Variants in SEMA3F observed in about 807,000 individuals in gnomAD.
SEMA3F encodes semaphorin-3F.
Under a neutral mutation model 98.5 loss-of-function variants are expected in SEMA3F, and 30 were observed. The observed-to-expected ratio is 0.30, with a 90% CI of 0.23 to 0.41. SEMA3F has a LOEUF of 0.41. Among genes scored for constraint, SEMA3F ranks in the 10% least tolerant of loss-of-function variants. The probability of loss-of-function intolerance (pLI) is 1.00; values close to 1 mark genes in which losing one functional copy is unlikely to be tolerated. For missense variants in SEMA3F, 866 were observed against 1,119.3 expected, an observed-to-expected ratio of 0.77 and a Z score of 3.23; for synonymous variants, 380 against 444.8, an observed-to-expected ratio of 0.85 and a Z score of 1.83.
chr3:50,187,605 C>A, intron 18 of SEMA3F, 100 bp from the exon 19 acceptor site: 1 of 941,672 alleles, frequency 1.1e-6, no homozygotes, highest in Non-Finnish European at 1.6e-6. Context: ...CACATGGGTG[C>A]CTCTACACGG....
chr3:50,175,352 T>A (rs1698771233), intron 6 of SEMA3F, among the ~76,000 whole-genome samples, 164 bp downstream of exon 6: 1 of 152,206 alleles, frequency 6.6e-6, no homozygotes, highest in Admixed American at 6.5e-5. Flanking sequence ...TCAGAAGGCA[T>A]GCCCAGCTGG....
intron 16 of SEMA3F, 102 bp downstream of exon 16, chr3:50,186,148 A>ACCCATAAGTCTC: frequency 6.8e-7 from 1 of 1,462,078 alleles, no homozygotes; most frequent in Non-Finnish European, 9.4e-7. Flanking sequence ...ATGTGATATT[A>ACCCATAAGTCTC]CCCTAGGGGA....
chr3:50,187,721 G>A lies in SEMA3F; in HGVS notation c.1964G>A (p.Arg655His), dbSNP rs759045780. ...DRRREIRAED[R>H]FLRTEQGLLL... is the part of the protein sequence containing the mutation. ...CCCCTGCAGATTCGTGCAGAGGACCGCTTCCTGCGCACAGAGCAGGGCTTG... is the reference window on the plus strand; with the variant it reads ...CCCCTGCAGATTCGTGCAGAGGACCACTTCCTGCGCACAGAGCAGGGCTTG... Residue 655 changes from arginine to histidine, a missense_variant, in exon 19 of 19, where the codon CGC becomes CAC. Arg to His is a conservative substitution (Grantham distance 29, BLOSUM62 0). This residue lies in a region of SEMA3F where 245 missense variants were observed against 260.5 expected (regional missense o/e 0.94). Transcript: ENST00000002829. 1.2e-5 allele frequency: 19 copies of A among 1,594,392 alleles called. No individual in the cohort carries two copies. The highest frequency in any genetic ancestry group is 1.1e-5 in the South Asian group (1 of 89,732).
In SEMA3F at chr3:50,156,277, G is replaced by A. The variant is rs1273083708; in HGVS notation, c.-49+713G>A. Among the ~76,000 whole-genome samples, 2 of 152,218 alleles carry A rather than the reference G, an allele frequency of 1.3e-5. No homozygotes were observed. The highest frequency in any genetic ancestry group is 2.9e-5 in the Non-Finnish European group (2 of 68,026). ...GGCAGGGGACAGCGGGGGCTTGGCGGGGTTGCCCCCAGCAGATGGGACAGG... is the reference window on the plus strand; with the variant it reads ...GGCAGGGGACAGCGGGGGCTTGGCGAGGTTGCCCCCAGCAGATGGGACAGG... On this transcript the variant is annotated intron_variant, in intron 1 of 18. Coordinates refer to ENST00000002829, the MANE Select transcript of SEMA3F (RefSeq NM_004186.5). This position sits in a 1 kb window ranked among gnomAD's most constrained non-coding sequence, Gnocchi z 4.5.
Position 50,186,693 on chromosome 3 carries a change from C to G in SEMA3F, c.1894C>G (p.Gln632Glu). The change falls in exon 18 of 19, where the codon CAA becomes GAA. Residue 632 changes from glutamine (Q) to glutamate (E), a missense_variant. By Grantham distance (29) the Gln-to-Glu change is conservative. This residue lies in a region of SEMA3F where 245 missense variants were observed against 260.5 expected (regional missense o/e 0.94). Transcript: ENST00000002829. Reference sequence around the variant, plus strand: ...CCTTGAGTGCCAGCCCCGCTCGCCCCAAGCCACTGTTAAGTGGCTGTTCCA... The same window carrying G: ...CCTTGAGTGCCAGCCCCGCTCGCCCGAAGCCACTGTTAAGTGGCTGTTCCA... The part of the protein sequence containing the change: ...AFLECQPRSP[Q>E]ATVKWLFQRD... The G allele has an allele frequency of 6.2e-7, 1 of 1,609,076 alleles. No individual in the cohort carries two copies. Among genetic ancestry groups the G allele is most frequent in the Non-Finnish European group, 8.5e-7 (1 of 1,176,990 alleles).
At chr3:50,185,361 C>T (rs1169413887) in intron 13 of SEMA3F, 82 bp from the exon 14 acceptor site, 44 of 1,344,902 alleles carry the variant, frequency 3.3e-5, no homozygotes, top group Non-Finnish European at 4.1e-5. Context: ...GGGGTTTGGG[C>T]CCTGGTGGGG....
At chr3:50,160,656 C>A (rs1698169197) in intron 2 of SEMA3F, among the ~76,000 whole-genome samples, 1 of 152,208 alleles carries the variant, frequency 6.6e-6, no homozygotes, top group Non-Finnish European at 1.5e-5. Context: ...CTTCATCCAG[C>A]CGCCTGCCCT....
chr3:50,185,170 C>G (rs1283090183), intron 13 of SEMA3F, among the ~76,000 whole-genome samples: 4 of 152,200 alleles, frequency 2.6e-5, no homozygotes, highest in African/African-American at 7.2e-5. Context: ...CCCTACAGTT[C>G]CAGCAGCCCA....
At chr3:50,157,301 G>A (rs891501864) in intron 1 of SEMA3F, among the ~76,000 whole-genome samples, 3 of 151,854 alleles carry the variant, frequency 2.0e-5, no homozygotes, top group Non-Finnish European at 4.4e-5. Flanking sequence ...CCGGCTCCTC[G>A]TTTCTTTGTT....
chr3:50,160,315 C>T (rs897900642), intron 2 of SEMA3F, among the ~76,000 whole-genome samples: 89 of 152,182 alleles, frequency 5.8e-4, no homozygotes, highest in African/African-American at 2.0e-3. Context: ...TCAGGCAGAG[C>T]ACGTGCTGCT....
At chr3:50,173,386 C>G (rs531008167) in intron 2 of SEMA3F, 1 of 190,670 alleles carries the variant, frequency 5.2e-6, no homozygotes. Flanking sequence ...GCAGCAGAAT[C>G]GCTTGAACCC....
chr3:50,170,500 C>G (rs1332370010), intron 2 of SEMA3F, among the ~76,000 whole-genome samples: 1 of 152,124 alleles, frequency 6.6e-6, no homozygotes, highest in Non-Finnish European at 1.5e-5. Context: ...TCATTCCACT[C>G]TCCTTTCCCT....
At position 50,185,521 on chromosome 3, in the gene SEMA3F, A is replaced by G; in HGVS notation, c.1535A>G (p.Glu512Gly). ...GAGGAGCTCATGCTGGAGGAGGTGG[A>G]GGTCTTCAAGGTGGGTGTGACACCA... ...ELEELMLEEV[E>G]VFKDPAPVKT... is the part of the protein sequence containing the mutation. Residue 512 changes from glutamate (E) to glycine (G), a missense_variant, in exon 14 of 19, where the codon GAG (glutamate) becomes GGG (glycine). By Grantham distance (98) the Glu-to-Gly change is moderately conservative. Around this residue, in one of 3 missense-constraint regions of SEMA3F, gnomAD observed 374 missense variants for 582.8 expected, o/e 0.64. Coordinates refer to ENST00000002829, the MANE Select transcript of SEMA3F (RefSeq NM_004186.5). 6.2e-7 allele frequency: 1 copy of G among 1,613,792 alleles called. No individual in the cohort carries two copies. Among genetic ancestry groups the G allele is most frequent in the Non-Finnish European group, 8.5e-7 (1 of 1,179,846 alleles).
In SEMA3F at chr3:50,174,235, A is replaced by G. The variant is rs1464169762; in HGVS notation, c.341A>G (p.Glu114Gly). 1 of 1,613,734 alleles carries G rather than the reference A, an allele frequency of 6.2e-7. No individual in the cohort carries two copies. Among genetic ancestry groups the G allele is most frequent in the Admixed American group, 1.7e-5 (1 of 60,026 alleles). The change falls in exon 5 of 19, where the codon GAG (glutamate) becomes GGG (glycine). Residue 114 changes from glutamate (E) to glycine (G), a missense_variant. Glu to Gly is a moderately conservative substitution (Grantham distance 98). Transcript: ENST00000002829. ...CVLSGKDVNG[E>G]CGNFVRLIQP... ...CAGCCTTCCCTGTGGCCCCAGGGCG[A>G]GTGTGGGAACTTCGTCAGGCTCATC...
At chr3:50,168,990 G>A (rs2109075936) in intron 2 of SEMA3F, among the ~76,000 whole-genome samples, 1 of 152,298 alleles carries the variant, frequency 6.6e-6, no homozygotes, top group East Asian at 1.9e-4. Flanking sequence ...CTAGGCTGCA[G>A]GGATCTGTCT....
rs774181012 is a variant in SEMA3F at position 50,185,459 on chromosome 3, G to A, written c.1473G>A (p.Gln491=). Residue 491 remains glutamine (Q), a synonymous_variant, in exon 14 of 19, where the codon CAG becomes CAA. Transcript: ENST00000002829. ...LFLGTDRGTV[Q]KVIVLPKDDQ... is the part of the protein sequence containing the mutation. ...CCGTTCCAGACCGCGGGACAGTGCA[G>A]AAGGTCATTGTGCTGCCCAAGGATG... 1.2e-6 allele frequency: 2 copies of A among 1,613,812 alleles called. No homozygotes were observed. Among genetic ancestry groups the A allele is most frequent in the South Asian group, 1.1e-5 (1 of 91,056 alleles).
intron 12 of SEMA3F, chr3:50,184,269 G>A: frequency 2.5e-6 from 1 of 402,044 alleles, no homozygotes. Flanking sequence ...AGACGGGTGA[G>A]ACCCTAGGAA....
At chr3:50,178,829 C>CTT (rs1226887922) in intron 7 of SEMA3F, among the ~76,000 whole-genome samples, 39 of 75,146 alleles carry the variant, frequency 5.2e-4, no homozygotes, top group African/African-American at 5.0e-4. Flanking sequence ...AATTCTTTTT[C>CTT]TTTTTTTTTT....
At position 50,174,115 on chromosome 3, in the gene SEMA3F, G is replaced by C; in HGVS notation, c.336+1G>C. The stretch of plus-strand genomic sequence containing the variant: ...CGTGCTCTCAGGCAAGGATGTCAAC[G>C]TGAGTTTGGTGGGATCCACAGGTGG... On this transcript the variant is annotated splice_donor_variant, in intron 4 of 18. Transcript: ENST00000002829. LOFTEE classifies it high-confidence loss of function. The C allele has an allele frequency of 2.5e-6, 4 of 1,614,144 alleles. No individual in the cohort carries two copies. The highest frequency in any genetic ancestry group is 3.4e-6 in the Non-Finnish European group (4 of 1,180,018).
Sources: allele counts gnomAD v4.1 joint callset (sites outside exome capture counted in the v4.1 genomes callset), GRCh38; gene constraint gnomAD v4.1.1; regional missense constraint gnomAD v4.1.1; non-coding constraint Gnocchi (gnomAD v3.1); transcripts MANE v1.5; gene names NCBI Gene and HGNC (gene_info 2026-07-23, HGNC 2026-07-21).